Variants in MORN5 observed in about 807,000 individuals in gnomAD.
MORN5 encodes MORN repeat containing 5, also known as MORN repeat-containing protein 5.
A neutral mutation model predicts 22.1 loss-of-function variants in MORN5; 21 were observed. That is an observed-to-expected ratio of 0.95 (90% CI 0.67 to 1.37). The LOEUF (loss-of-function observed/expected upper bound fraction) is 1.37. Among genes scored for constraint, MORN5 ranks in the 40% most tolerant of loss-of-function variants. The probability of loss-of-function intolerance (pLI) is 0.00; values close to 1 mark genes in which losing one functional copy is unlikely to be tolerated. For synonymous variants in MORN5, 73 were observed against 74.0 expected (o/e 0.99, Z 0.07); for missense variants, 211 against 215.1 (o/e 0.98, Z 0.12).
intron 4 of MORN5, among the ~76,000 whole-genome samples, chr9:122,184,099 T>A (rs556098743): frequency 6.6e-6 from 1 of 152,322 alleles, no homozygotes; most frequent in African/African-American, 2.4e-5. Context: ...ACTGAGCTTT[T>A]GCCATGCACC....
At chr9:122,174,409 G>A (rs1469557441) in intron 3 of MORN5, 87 bp from the exon 4 acceptor site, 2 of 1,486,814 alleles carry the variant, frequency 1.3e-6, no homozygotes, top group South Asian at 1.3e-5. Context: ...AGTCACATGA[G>A]CCACCAGCCA....
chr9:122,186,702 C>G (rs1461563583), intron 4 of MORN5, among the ~76,000 whole-genome samples: 1 of 152,198 alleles, frequency 6.6e-6, no homozygotes, highest in Admixed American at 6.5e-5. Flanking sequence ...CCGACTCCCC[C>G]ACGGCAGCCT....
intron 2 of MORN5, 72 bp from the exon 3 acceptor site, chr9:122,169,573 C>G (rs1304929016): frequency 1.0e-6 from 1 of 995,654 alleles, no homozygotes; most frequent in East Asian, 2.4e-5. Context: ...CCCCACTTCC[C>G]TTGACATCTG....
At chr9:122,193,919 C>A (rs576039988) in intron 4 of MORN5, among the ~76,000 whole-genome samples, 1 of 152,186 alleles carries the variant, frequency 6.6e-6, no homozygotes, top group Admixed American at 6.5e-5. Flanking sequence ...GGGAACCTGG[C>A]GACCTTGAAG....
intron 2 of MORN5, among the ~76,000 whole-genome samples, chr9:122,167,353 CTTTTTT>C (rs61672512): frequency 9.6e-6 from 1 of 104,550 alleles, no homozygotes; most frequent in African/African-American, 3.6e-5. Flanking sequence ...CGCACCTGAC[CTTTTTT>C]TTTTTTTTTT....
chr9:122,165,200 G>T (rs1046457548), intron 1 of MORN5, among the ~76,000 whole-genome samples: 1 of 152,050 alleles, frequency 6.6e-6, no homozygotes, highest in African/African-American at 2.4e-5. Flanking sequence ...CTATATATAT[G>T]TCAGGCCCTT....
intron 3 of MORN5, among the ~76,000 whole-genome samples, chr9:122,172,147 G>A (rs10985556): frequency 2.7e-5 from 4 of 146,404 alleles, no homozygotes; most frequent in African/African-American, 1.0e-4. Context: ...TTTTTTTTAA[G>A]TTTCTTGTAG....
Position 122,186,598 on chromosome 9 carries a change from C to T in MORN5, c.439+11971C>T, listed in dbSNP as rs558259203. On this transcript the variant is annotated intron_variant, in intron 4 of 4. Transcript: ENST00000373764. ...ACTGCAGGAATTGCCCATTGCCATCCTCTCTCCCCACCCCAGTTCCAAAGG... is the reference window on the plus strand; with the variant it reads ...ACTGCAGGAATTGCCCATTGCCATCTTCTCTCCCCACCCCAGTTCCAAAGG... Among the ~76,000 whole-genome samples, 14 of 152,222 alleles carry T rather than the reference C, an allele frequency of 9.2e-5. No individual in the cohort carries two copies. The East Asian group carries it at 2.5e-3, about 27-fold the overall frequency.
intron 1 of MORN5, 66 bp downstream of exon 1, chr9:122,160,085 T>C: frequency 6.8e-7 from 1 of 1,470,334 alleles, no homozygotes; most frequent in South Asian, 1.2e-5. Flanking sequence ...GACGGCTTTT[T>C]GCTTCTGCGA....
Position 122,197,970 on chromosome 9 carries a change from C to T in MORN5, c.440-1915C>T, listed in dbSNP as rs972346938. Among the ~76,000 whole-genome samples the T allele has an allele frequency of 2.6e-5, 4 of 152,150 alleles. No individual in the cohort carries two copies. The highest frequency in any genetic ancestry group is 5.9e-5 in the Non-Finnish European group (4 of 68,036). ...TGCCAGAGTGTGCCAGGCAGCAAGCCGTTTTCCTTAGGTCTCATGTAAAGA... is the reference window on the plus strand; with the variant it reads ...TGCCAGAGTGTGCCAGGCAGCAAGCTGTTTTCCTTAGGTCTCATGTAAAGA... On this transcript the variant is annotated intron_variant, in intron 4 of 4. Coordinates refer to ENST00000373764, the MANE Select transcript of MORN5 (RefSeq NM_198469.4). The surrounding 1 kb of genome is among the most constrained non-coding windows in gnomAD (Gnocchi z 5.7).
At chr9:122,190,229 C>T (rs1829731153) in intron 4 of MORN5, among the ~76,000 whole-genome samples, 1 of 152,240 alleles carries the variant, frequency 6.6e-6, no homozygotes, top group South Asian at 2.1e-4. Flanking sequence ...CTAAATCCAG[C>T]CTTAGGCCTA....
At chr9:122,185,262 A>G (rs1300500107) in intron 4 of MORN5, among the ~76,000 whole-genome samples, 24 of 149,716 alleles carry the variant, frequency 1.6e-4, no homozygotes, top group African/African-American at 3.7e-4. Flanking sequence ...TTGCTCTGTC[A>G]CCCAGGCTGG....
At chr9:122,167,058 T>C in intron 2 of MORN5, 143 bp downstream of exon 2, 4 of 326,796 alleles carry the variant, frequency 1.2e-5, no homozygotes, top group Non-Finnish European at 1.0e-5. Flanking sequence ...TCCCCCCACT[T>C]TTTTTTTTTT....
chr9:122,178,462 T>C (rs1370620699), intron 4 of MORN5, among the ~76,000 whole-genome samples: 1 of 152,136 alleles, frequency 6.6e-6, no homozygotes, highest in African/African-American at 2.4e-5. Context: ...CACTCCAGCC[T>C]GGGTGATACA....
At chr9:122,166,225 C>A (rs993221058) in intron 1 of MORN5, among the ~76,000 whole-genome samples, 6 of 151,744 alleles carry the variant, frequency 4.0e-5, no homozygotes, top group African/African-American at 1.5e-4. Context: ...ATGGGAGCTA[C>A]AATTCCCGAT....
intron 4 of MORN5, among the ~76,000 whole-genome samples, chr9:122,194,375 G>C (rs2118788113): frequency 6.6e-6 from 1 of 152,310 alleles, no homozygotes; most frequent in Admixed American, 6.5e-5. Context: ...TTACAGTCTG[G>C]ATAGGGAGAC....
At chr9:122,194,845 C>G (rs1829850855) in intron 4 of MORN5, among the ~76,000 whole-genome samples, 1 of 152,070 alleles carries the variant, frequency 6.6e-6, no homozygotes. Flanking sequence ...CATGGTGAAA[C>G]CCCATCTCTA....
intron 2 of MORN5, 134 bp from the exon 3 acceptor site, chr9:122,169,511 A>G: frequency 1.5e-6 from 1 of 646,572 alleles, no homozygotes; most frequent in South Asian, 1.8e-5. Flanking sequence ...TGTCGTCACA[A>G]CCATAATAAT....
intron 4 of MORN5, among the ~76,000 whole-genome samples, chr9:122,190,485 AATT>A (rs1829738348): frequency 1.3e-5 from 2 of 152,280 alleles, no homozygotes; most frequent in Admixed American, 6.5e-5. Flanking sequence ...TAAATTTAAT[AATT>A]AAGTCTGAAT....
Sources: allele counts gnomAD v4.1 joint callset (sites outside exome capture counted in the v4.1 genomes callset), GRCh38; gene constraint gnomAD v4.1.1; non-coding constraint Gnocchi (gnomAD v3.1); transcripts MANE v1.5; gene names NCBI Gene and HGNC (gene_info 2026-07-23, HGNC 2026-07-21).